ACOT12: variants seen among roughly 807,000 people sequenced by gnomAD.
ACOT12 encodes acyl-CoA thioesterase 12, also known as acetyl-coenzyme A thioesterase.
A neutral mutation model predicts 67.7 loss-of-function variants in ACOT12; 51 were observed. The ratio of observed to expected loss-of-function variants is 0.75; its 90% CI spans 0.60 to 0.95. ACOT12 has a LOEUF of 0.95. Ranked by LOEUF, ACOT12 falls within the 40% of genes least tolerant of loss-of-function variation. The pLI is 0.00. For missense variants in ACOT12, 734 were observed against 708.1 expected (o/e 1.04, Z -0.41); for synonymous variants, 251 against 244.6 (o/e 1.03, Z -0.24).
intron 6 of ACOT12, among the ~76,000 whole-genome samples, chr5:81,347,161 A>G (rs1201479227): frequency 6.6e-6 from 1 of 152,172 alleles, no homozygotes; most frequent in Admixed American, 6.5e-5. Context: ...ATTTATAGAG[A>G]GGCTGGAGTG....
the ACOT12 span, among the ~76,000 whole-genome samples, chr5:81,318,084 T>C: frequency 6.6e-6 from 1 of 152,096 alleles, no homozygotes; most frequent in African/African-American, 2.4e-5. Context: ...GGTTTCACCA[T>C]GTTGGCCAGG....
At chr5:81,390,617 C>A (rs926501172) in intron 1 of ACOT12, among the ~76,000 whole-genome samples, 1 of 151,204 alleles carries the variant, frequency 6.6e-6, no homozygotes, top group East Asian at 1.9e-4. Context: ...GATTCTCCTG[C>A]CTCAGCCTCC....
chr5:81,330,230 TG>T lies in ACOT12; in HGVS notation c.*163del. The T allele has an allele frequency of 1.5e-6, 1 of 682,638 alleles. No homozygotes were observed. The highest frequency in any genetic ancestry group is 2.3e-6 in the Non-Finnish European group (1 of 433,578). The allele number at this position is 682,638 out of a possible 1,614,324, so 42.3% of individuals were successfully genotyped here. On this transcript the variant is annotated 3_prime_UTR_variant, in exon 15 of 15. Transcript: ENST00000307624. ...CTCTTTTAATGCTAATCCAAATCAC[TG>T]GTATTTGACTTAAGATGCATTTTGT...
intron 10 of ACOT12, 81 bp downstream of exon 10, chr5:81,343,737 C>T (rs2153848404): frequency 7.0e-7 from 1 of 1,430,306 alleles, no homozygotes; most frequent in Non-Finnish European, 9.7e-7. Context: ...TAGGCACAGC[C>T]TAGGCCAGTT....
intron 4 of ACOT12, among the ~76,000 whole-genome samples, chr5:81,362,675 G>T (rs1759953549): frequency 6.6e-6 from 1 of 152,136 alleles, no homozygotes; most frequent in South Asian, 2.1e-4. Flanking sequence ...GGGATGCCAG[G>T]AAAAACAGAA....
intron 2 of ACOT12, among the ~76,000 whole-genome samples, chr5:81,372,697 CAA>C (rs942946618): frequency 7.9e-5 from 12 of 152,336 alleles, no homozygotes; most frequent in African/African-American, 2.9e-4. Context: ...TATTCTATCT[CAA>C]GTTGCTTTTC....
At chr5:81,360,073 T>C in intron 4 of ACOT12, 35 bp from the exon 5 acceptor site, 1 of 1,577,898 alleles carries the variant, frequency 6.3e-7, no homozygotes, top group Non-Finnish European at 8.6e-7. Flanking sequence ...TTTATTGCCT[T>C]GTTAAATTAT....
At chr5:81,333,533 AATTC>A (rs1758898435) in intron 12 of ACOT12, among the ~76,000 whole-genome samples, 1 of 152,194 alleles carries the variant, frequency 6.6e-6, no homozygotes, top group African/African-American at 2.4e-5. Flanking sequence ...GTTGGATTAG[AATTC>A]ATTCATTCAC....
At chr5:81,318,174 T>G in the ACOT12 span, among the ~76,000 whole-genome samples, 2 of 152,176 alleles carry the variant, frequency 1.3e-5, no homozygotes, top group African/African-American at 4.8e-5. Flanking sequence ...TGAGCCACTA[T>G]GCCTGGCCCA....
At chr5:81,334,014 C>T (rs1758915279) in intron 12 of ACOT12, among the ~76,000 whole-genome samples, 1 of 152,126 alleles carries the variant, frequency 6.6e-6, no homozygotes, top group South Asian at 2.1e-4. Context: ...GGCAGACCAT[C>T]GATGGTGGAA....
At chr5:81,390,933 T>C (rs1409574125) in intron 1 of ACOT12, among the ~76,000 whole-genome samples, 1 of 152,238 alleles carries the variant, frequency 6.6e-6, no homozygotes, top group Non-Finnish European at 1.5e-5. Flanking sequence ...TTTCCCTCTG[T>C]ATTTCAAGTA....
chr5:81,378,794 C>A (rs879547983), intron 2 of ACOT12, among the ~76,000 whole-genome samples: 1 of 152,286 alleles, frequency 6.6e-6, no homozygotes, highest in East Asian at 1.9e-4. Context: ...TTCCATCTCA[C>A]GCCAGTTACA....
At chr5:81,345,162 G>A in intron 7 of ACOT12, 121 bp from the exon 8 acceptor site, 1 of 1,314,050 alleles carries the variant, frequency 7.6e-7, no homozygotes, top group South Asian at 1.5e-5. Flanking sequence ...GGAGGATAAG[G>A]GCCTGGGTTT....
chr5:81,352,042 A>G (rs948679283), intron 5 of ACOT12, among the ~76,000 whole-genome samples: 1 of 152,242 alleles, frequency 6.6e-6, no homozygotes, highest in African/African-American at 2.4e-5. Context: ...ATGCAAATCA[A>G]AACTACAATG....
intron 4 of ACOT12, among the ~76,000 whole-genome samples, chr5:81,361,689 C>T (rs1229163190): frequency 1.3e-5 from 2 of 152,186 alleles, no homozygotes; most frequent in African/African-American, 4.8e-5. Context: ...TGGAGACCTC[C>T]ACCCTCTCTG....
Position 81,387,887 on chromosome 5 carries a change from G to A in ACOT12, c.128-2061C>T, listed in dbSNP as rs921478535. Among the ~76,000 whole-genome samples, 5 of 152,180 alleles carry A rather than the reference G, an allele frequency of 3.3e-5. No homozygotes were observed. In the East Asian group the frequency reaches 9.6e-4, roughly 29 times the overall value. On this transcript the variant is annotated intron_variant, in intron 1 of 14. Coordinates refer to ENST00000307624, the MANE Select transcript of ACOT12 (RefSeq NM_130767.3). ...TGACTTAAATGATAACTAAAATGCA[G>A]TAACCAGTAAAAAAATTAAACTTTT...
chr5:81,346,037 G>A (rs1302073067), intron 6 of ACOT12, 33 bp from the exon 7 acceptor site: 18 of 1,607,100 alleles, frequency 1.1e-5, no homozygotes, highest in Non-Finnish European at 1.5e-5. Flanking sequence ...AGAGAAGAAA[G>A]CGATCACACA....
intron 14 of ACOT12, 119 bp downstream of exon 14, chr5:81,330,695 A>T: frequency 6.6e-7 from 1 of 1,515,168 alleles, no homozygotes; most frequent in East Asian, 2.3e-5. Context: ...TGACCTTAGG[A>T]TTCCCATAGT....
At chr5:81,380,569 AAAAAAAAAAAAG>A (rs1261913149) in intron 2 of ACOT12, among the ~76,000 whole-genome samples, 2 of 144,246 alleles carry the variant, frequency 1.4e-5, no homozygotes, top group African/African-American at 2.6e-5. Context: ...CTTAGAAAAA[AAAAAAAAAAAAG>A]AAAAGAAATC....
Sources: allele counts gnomAD v4.1 joint callset (sites outside exome capture counted in the v4.1 genomes callset), GRCh38; gene constraint gnomAD v4.1.1; transcripts MANE v1.5; gene names NCBI Gene and HGNC (gene_info 2026-07-23, HGNC 2026-07-21).